RASA3: variants seen among roughly 807,000 people sequenced by gnomAD.
RASA3 encodes the protein RAS p21 protein activator 3.
In RASA3, 73 loss-of-function variants were observed where a neutral mutation model predicts 110.0. The ratio of observed to expected loss-of-function variants is 0.66; its 90% CI spans 0.55 to 0.81. The LOEUF (loss-of-function observed/expected upper bound fraction) is 0.81, where lower values mean the gene tolerates loss of function less well. Among genes scored for constraint, RASA3 ranks in the 30% least tolerant of loss-of-function variants. RASA3 has a pLI of 0.00. For synonymous variants in RASA3, 500 were observed against 451.4 expected (o/e 1.11, Z -1.37); for missense variants, 976 against 1,113.2 (o/e 0.88, Z 1.75).
chr13:114,066,932 C>T (rs1483798229), intron 2 of RASA3, among the ~76,000 whole-genome samples: 1 of 136,156 alleles, frequency 7.3e-6, no homozygotes, highest in Non-Finnish European at 1.6e-5. Flanking sequence ...TGGGCCCAAC[C>T]TGGGCTGAGG....
intron 1 of RASA3, among the ~76,000 whole-genome samples, chr13:114,121,739 C>T (rs986677107): frequency 2.0e-5 from 3 of 152,196 alleles, no homozygotes; most frequent in Non-Finnish European, 2.9e-5. Context: ...TCCCTGAGTG[C>T]GGCACCATGG....
chr13:113,999,063 T>C (rs9590380), intron 20 of RASA3, among the ~76,000 whole-genome samples: 1 of 33,346 alleles, frequency 3.0e-5, no homozygotes, highest in Non-Finnish European at 4.6e-5. Context: ...CGAGGCGACA[T>C]GTGGGTCCGG....
intron 1 of RASA3, among the ~76,000 whole-genome samples, chr13:114,080,722 ACCTC>A (rs2079772152): frequency 1.3e-5 from 2 of 152,112 alleles, no homozygotes; most frequent in African/African-American, 2.4e-5. Context: ...CCCAGGGGCC[ACCTC>A]CCAGGGCACG....
At position 114,057,521 on chromosome 13, in the gene RASA3, AT is replaced by A; in HGVS notation, c.174-5367del. 1 of 985,210 alleles carries A rather than the reference AT, an allele frequency of 1.0e-6. No individual in the cohort carries two copies. The highest frequency in any genetic ancestry group is 1.2e-6 in the Non-Finnish European group (1 of 829,750). The allele number at this position is 985,210 out of a possible 1,614,324, so 61.0% of individuals were successfully genotyped here. On this transcript the variant is annotated intron_variant, in intron 2 of 23. Transcript: ENST00000334062. The surrounding 1 kb of genome is among the most constrained non-coding windows in gnomAD (Gnocchi z 5.0). The stretch of plus-strand genomic sequence containing the variant: ...GTTCAGCTTCTTAGACCGATGATTT[AT>A]TTAGGGAATAAGAAGGGCGATTCCA...
At chr13:114,053,198 G>A (rs9525358) in intron 2 of RASA3, among the ~76,000 whole-genome samples, 3 of 88,166 alleles carry the variant, frequency 3.4e-5, no homozygotes, top group African/African-American at 1.0e-4. Context: ...AGAGGACCCC[G>A]CTGCTGACTG....
intron 16 of RASA3, among the ~76,000 whole-genome samples, chr13:114,010,161 T>G (rs984918679): frequency 6.6e-6 from 1 of 152,124 alleles, no homozygotes; most frequent in Admixed American, 6.5e-5. Context: ...GTGGCACATC[T>G]TTTACTCACT....
chr13:114,023,064 C>G (rs564025307), intron 8 of RASA3, among the ~76,000 whole-genome samples: 1 of 152,238 alleles, frequency 6.6e-6, no homozygotes, highest in Non-Finnish European at 1.5e-5. Flanking sequence ...CACAAAACCA[C>G]GCCTCCCAGC....
intron 2 of RASA3, among the ~76,000 whole-genome samples, chr13:114,055,105 T>A (rs537731731): frequency 6.6e-6 from 1 of 151,846 alleles, no homozygotes; most frequent in African/African-American, 2.4e-5. Context: ...TGTGCCCGTA[T>A]GTGTGTCCCC....
chr13:114,066,134 T>C (rs2139638422), intron 2 of RASA3, among the ~76,000 whole-genome samples: 1 of 152,104 alleles, frequency 6.6e-6, no homozygotes, highest in South Asian at 2.1e-4. Context: ...CCGCCTCTCC[T>C]GCACATGAGG....
intron 18 of RASA3, among the ~76,000 whole-genome samples, chr13:114,005,298 G>C (rs376288276): frequency 1.3e-5 from 2 of 152,214 alleles, no homozygotes; most frequent in East Asian, 3.8e-4. Context: ...GCAAAGCCCC[G>C]AGCGGGAGTG....
intron 1 of RASA3, 94 bp downstream of exon 1, chr13:114,132,341 G>T: frequency 7.8e-7 from 1 of 1,279,516 alleles, no homozygotes; most frequent in Admixed American, 3.5e-5. Flanking sequence ...TCTCCGCCGG[G>T]GTCCCCAGCA....
intron 1 of RASA3, among the ~76,000 whole-genome samples, chr13:114,094,353 A>G (rs2079919895): frequency 6.6e-6 from 1 of 152,246 alleles, no homozygotes; most frequent in African/African-American, 2.4e-5. Flanking sequence ...AGCACTATTC[A>G]CAATAGTCCA....
At chr13:114,094,870 G>A (rs1335379714) in intron 1 of RASA3, among the ~76,000 whole-genome samples, 2 of 152,090 alleles carry the variant, frequency 1.3e-5, no homozygotes, top group African/African-American at 2.4e-5. Context: ...ACCGAGGCGC[G>A]GGCTCCCCCG....
intron 13 of RASA3, among the ~76,000 whole-genome samples, chr13:114,015,555 G>C (rs1030309992): frequency 6.6e-6 from 1 of 152,252 alleles, no homozygotes; most frequent in Admixed American, 6.5e-5. Flanking sequence ...TCGGCTCCCC[G>C]GCTCGGCCCC....
intron 1 of RASA3, among the ~76,000 whole-genome samples, chr13:114,111,943 G>A (rs2080225499): frequency 1.3e-5 from 2 of 152,198 alleles, no homozygotes; most frequent in Admixed American, 1.3e-4. Flanking sequence ...TTATGCTGGT[G>A]AAGGAGGCAC....
At chr13:114,070,457 T>A (rs537194380) in intron 2 of RASA3, among the ~76,000 whole-genome samples, 4 of 152,234 alleles carry the variant, frequency 2.6e-5, no homozygotes, top group African/African-American at 9.6e-5. Context: ...AGCTGCAAGT[T>A]TATGAGAGAG....
At chr13:114,129,522 C>T (rs2080491855) in intron 1 of RASA3, among the ~76,000 whole-genome samples, 1 of 152,204 alleles carries the variant, frequency 6.6e-6, no homozygotes. Flanking sequence ...CACCACCACA[C>T]ATTTCAAAGC....
At chr13:114,100,061 G>A (rs542814484) in intron 1 of RASA3, among the ~76,000 whole-genome samples, 12 of 150,206 alleles carry the variant, frequency 8.0e-5, no homozygotes, top group East Asian at 6.1e-4. Context: ...TTTGCAAAGC[G>A]TCTGCTCTGG....
At position 114,013,896 on chromosome 13, in the gene RASA3, TTCTCTCTTTCTCTGTCTCTCTCTCTCCG is replaced by T. The variant is rs1357426498; in HGVS notation, c.1406-676_1406-649del. Among the ~76,000 whole-genome samples the T allele has an allele frequency of 9.3e-4, 26 of 28,072 alleles. 3 individuals are homozygous for T. Among genetic ancestry groups the T allele is most frequent in the Non-Finnish European group, 1.9e-4 (3 of 15,872 alleles). The allele number at this position is 28,072 out of a possible 152,430, so 18.4% of individuals were successfully genotyped here. A position where few individuals can be genotyped will look rare whatever the true frequency, so the allele number is the denominator to read the frequency against. Reference sequence around the variant, plus strand: ...TCTCCCTATCTCTGTCTCTCTCTTTTTCTCTCTTTCTCTGTCTCTCTCTCTCCGTCTCTCTCTCCCTGTCTCTATCTCT... The same window carrying T: ...TCTCCCTATCTCTGTCTCTCTCTTTTTCTCTCTCTCCCTGTCTCTATCTCT... On this transcript the variant is annotated intron_variant, in intron 14 of 23. Coordinates refer to ENST00000334062, the MANE Select transcript of RASA3 (RefSeq NM_007368.4).
Sources: allele counts gnomAD v4.1 joint callset (sites outside exome capture counted in the v4.1 genomes callset), GRCh38; gene constraint gnomAD v4.1.1; non-coding constraint Gnocchi (gnomAD v3.1); transcripts MANE v1.5; gene names NCBI Gene and HGNC (gene_info 2026-07-23, HGNC 2026-07-21).